HDHD2: variants seen among roughly 807,000 people sequenced by gnomAD.
HDHD2 encodes haloacid dehalogenase-like hydrolase domain-containing protein 2.
A neutral mutation model predicts 24.8 loss-of-function variants in HDHD2; 26 were observed. That is an observed-to-expected ratio of 1.05 (90% CI 0.77 to 1.45). The LOEUF is 1.45. Ranked by LOEUF, HDHD2 falls within the 40% of genes most tolerant of loss-of-function variation. The pLI is 0.00. For missense variants in HDHD2, 299 were observed against 313.4 expected, an observed-to-expected ratio of 0.95 and a Z score of 0.35; for synonymous variants, 128 against 114.9, an observed-to-expected ratio of 1.11 and a Z score of -0.73.
intron 1 of HDHD2, among the ~76,000 whole-genome samples, chr18:47,142,125 G>A (rs923641451): frequency 1.2e-4 from 18 of 152,090 alleles, no homozygotes; most frequent in African/African-American, 3.6e-4. Context: ...TATAAATTAC[G>A]CAGTCTTGGG....
intron 6 of HDHD2, among the ~76,000 whole-genome samples, chr18:47,112,604 A>G (rs936631604): frequency 3.9e-5 from 6 of 152,238 alleles, no homozygotes; most frequent in African/African-American, 1.2e-4. Context: ...CCAGTTTCCT[A>G]AAGAAATCAG....
chr18:47,130,358 C>A (rs2063702133), intron 3 of HDHD2, 30 bp from the exon 4 acceptor site: 3 of 1,428,642 alleles, frequency 2.1e-6, no homozygotes, highest in Admixed American at 2.0e-5. Context: ...ATGATTGTTG[C>A]AAATGCAATT....
chr18:47,126,580 T>C (rs2063660247), intron 4 of HDHD2, among the ~76,000 whole-genome samples: 1 of 152,126 alleles, frequency 6.6e-6, no homozygotes, highest in African/African-American at 2.4e-5. Context: ...AAACTTCAAA[T>C]ACATTATTCT....
In HDHD2 at chr18:47,134,598, C is replaced by T. The variant is rs755968412; in HGVS notation, c.208G>A (p.Asp70Asn). The T allele has an allele frequency of 2.5e-6, 4 of 1,613,868 alleles. No homozygotes were observed. In the Admixed American group the frequency reaches 6.7e-5, roughly 27 times the overall value. ...GCAGTCAGAGATGTGAATATTTCAT[C>T]TTCAGAGATATCAAATTCCAATTTT... ...LRKLEFDISEDEIFTSLTAAR... is the reference protein window; with the variant it reads ...LRKLEFDISENEIFTSLTAAR... The change falls in exon 3 of 7, where the codon GAT (aspartate) becomes AAT (asparagine). Residue 70 changes from aspartate to asparagine, a missense_variant. Physicochemically the swap from Asp to Asn is conservative, Grantham distance 23. Coordinates refer to ENST00000300605, the MANE Select transcript of HDHD2 (RefSeq NM_032124.5).
At chr18:47,144,115 G>T (rs1179915840) in intron 1 of HDHD2, among the ~76,000 whole-genome samples, 4 of 151,924 alleles carry the variant, frequency 2.6e-5, no homozygotes, top group Non-Finnish European at 4.4e-5. Flanking sequence ...AAGCCACAAG[G>T]TGCAAGGAAA....
chr18:47,142,879 C>G (rs2063832407), intron 1 of HDHD2, among the ~76,000 whole-genome samples: 1 of 152,108 alleles, frequency 6.6e-6, no homozygotes, highest in Non-Finnish European at 1.5e-5. Context: ...AAATTACTAA[C>G]AAAGATTTGT....
At chr18:47,132,531 A>C (rs1018838277) in intron 3 of HDHD2, among the ~76,000 whole-genome samples, 5 of 152,186 alleles carry the variant, frequency 3.3e-5, no homozygotes, top group African/African-American at 1.2e-4. Flanking sequence ...GTCATTTTAT[A>C]TTCCTGTCAG....
At position 47,134,716 on chromosome 18, in the gene HDHD2, C is replaced by T; in HGVS notation, c.102-12G>A. On this transcript the variant is annotated splice_polypyrimidine_tract_variant and intron_variant, in intron 2 of 6. Transcript: ENST00000300605. ...AAGCACCACGTAACCTGGAGAGGGC[C>T]AAATTCAGAAGTCAAAAGGCAGCTT... 6.2e-7 allele frequency: 1 copy of T among 1,607,016 alleles called. No homozygotes were observed. Among genetic ancestry groups the T allele is most frequent in the Non-Finnish European group, 8.5e-7 (1 of 1,175,066 alleles).
At chr18:47,118,158 C>T (rs567325716) in intron 4 of HDHD2, among the ~76,000 whole-genome samples, 2 of 152,096 alleles carry the variant, frequency 1.3e-5, no homozygotes, top group Non-Finnish European at 2.9e-5. Flanking sequence ...GGCAGAGCAG[C>T]GAGAGAAAGC....
chr18:47,111,580 T>G (rs1423078760), intron 6 of HDHD2: 1 of 985,266 alleles, frequency 1.0e-6, no homozygotes, highest in Non-Finnish European at 1.2e-6. Flanking sequence ...ATCACAGGGC[T>G]GTTACGTTCC....
chr18:47,136,971 G>A, intron 1 of HDHD2: 1 of 552,938 alleles, frequency 1.8e-6, no homozygotes. Context: ...GTGCAGACAT[G>A]GTACCTCTTT....
At chr18:47,135,319 T>C (rs1474252753) in intron 2 of HDHD2, among the ~76,000 whole-genome samples, 4 of 148,982 alleles carry the variant, frequency 2.7e-5, no homozygotes, top group Admixed American at 6.9e-5. Context: ...TGGAGTGCAA[T>C]GGCACGATCT....
At chr18:47,146,749 C>G (rs1040051863) in intron 1 of HDHD2, among the ~76,000 whole-genome samples, 1 of 152,120 alleles carries the variant, frequency 6.6e-6, no homozygotes, top group Non-Finnish European at 1.5e-5. Flanking sequence ...AGAATATATA[C>G]AGTATGGTTT....
At chr18:47,127,393 T>C (rs2063669189) in intron 4 of HDHD2, among the ~76,000 whole-genome samples, 1 of 152,208 alleles carries the variant, frequency 6.6e-6, no homozygotes, top group South Asian at 2.1e-4. Context: ...AAACTGGCTA[T>C]GTGCTAAAAT....
At chr18:47,120,273 T>C (rs1328257013) in intron 4 of HDHD2, among the ~76,000 whole-genome samples, 1 of 152,250 alleles carries the variant, frequency 6.6e-6, no homozygotes, top group Non-Finnish European at 1.5e-5. Context: ...CCTTCATCAA[T>C]GATCTTAGCT....
At chr18:47,125,722 G>C (rs1568050188) in intron 4 of HDHD2, among the ~76,000 whole-genome samples, 1 of 152,176 alleles carries the variant, frequency 6.6e-6, no homozygotes, top group Non-Finnish European at 1.5e-5. Flanking sequence ...TGGTTATCCT[G>C]GGGAAGGAGT....
chr18:47,136,875 C>T (rs1370995356), intron 1 of HDHD2: 6 of 396,352 alleles, frequency 1.5e-5, no homozygotes, highest in South Asian at 3.1e-5. Flanking sequence ...ATATTCTCAT[C>T]GCCCTTCTTT....
chr18:47,144,048 T>C (rs1011661465), intron 1 of HDHD2, among the ~76,000 whole-genome samples: 5 of 151,868 alleles, frequency 3.3e-5, no homozygotes, highest in African/African-American at 1.2e-4. Flanking sequence ...CTAACAATAC[T>C]AGATAAAAAA....
At chr18:47,124,706 C>CAAAA (rs34350751) in intron 4 of HDHD2, among the ~76,000 whole-genome samples, 403 of 41,908 alleles carry the variant, frequency 9.6e-3, no homozygotes, top group Non-Finnish European at 0.011. Flanking sequence ...AACTCTGACT[C>CAAAA]AAAAAAAAAA....
Sources: allele counts gnomAD v4.1 joint callset (sites outside exome capture counted in the v4.1 genomes callset), GRCh38; gene constraint gnomAD v4.1.1; transcripts MANE v1.5; gene names NCBI Gene and HGNC (gene_info 2026-07-23, HGNC 2026-07-21).